CBLN2: variants seen among roughly 807,000 people sequenced by gnomAD.
CBLN2 encodes the protein cerebellin 2 precursor.
Under a neutral mutation model 15.0 loss-of-function variants are expected in CBLN2, and 7 were observed. The ratio of observed to expected loss-of-function variants is 0.47; its 90% CI spans 0.27 to 0.88. CBLN2 has a LOEUF of 0.88. Ranked by LOEUF, CBLN2 falls within the 40% of genes least tolerant of loss-of-function variation. CBLN2 has a pLI of 0.14. For synonymous variants in CBLN2, 149 were observed against 135.2 expected (o/e 1.10, Z -0.71); for missense variants, 242 against 304.5 (o/e 0.79, Z 1.53).
intron 1 of CBLN2, among the ~76,000 whole-genome samples, chr18:72,617,586 T>C (rs1224091028): frequency 6.6e-6 from 1 of 152,180 alleles, no homozygotes; most frequent in Non-Finnish European, 1.5e-5. Context: ...TTTAAGTATG[T>C]AGACATTTTG....
intron 1 of CBLN2, among the ~76,000 whole-genome samples, chr18:72,595,156 TA>T (rs753506542): frequency 6.6e-6 from 1 of 152,044 alleles, no homozygotes; most frequent in Non-Finnish European, 1.5e-5. Context: ...TTTTTTCTCA[TA>T]GGTGCTTATT....
chr18:72,628,731 C>A (rs1044971744), intron 1 of CBLN2, among the ~76,000 whole-genome samples: 1 of 152,202 alleles, frequency 6.6e-6, no homozygotes, highest in Admixed American at 6.5e-5. Context: ...CATTTATGGA[C>A]AAATGTTTGA....
chr18:72,603,953 A>G (rs770426062), intron 1 of CBLN2, among the ~76,000 whole-genome samples: 3 of 152,218 alleles, frequency 2.0e-5, no homozygotes, highest in African/African-American at 4.8e-5. Flanking sequence ...AGCACAGTCT[A>G]CGCTAGGAGC....
chr18:72,632,315 T>G (rs1446543554), intron 1 of CBLN2, among the ~76,000 whole-genome samples: 1 of 152,122 alleles, frequency 6.6e-6, no homozygotes, highest in Non-Finnish European at 1.5e-5. Context: ...CCTTGTTTGT[T>G]TGTTTTCAAT....
At chr18:72,623,857 G>A (rs1280202390) in intron 1 of CBLN2, among the ~76,000 whole-genome samples, 1 of 152,068 alleles carries the variant, frequency 6.6e-6, no homozygotes, top group Non-Finnish European at 1.5e-5. Flanking sequence ...CGGACTGATC[G>A]CTCTCGGAGT....
chr18:72,621,772 A>G (rs2144967447), intron 1 of CBLN2, among the ~76,000 whole-genome samples: 1 of 152,344 alleles, frequency 6.6e-6, no homozygotes, highest in Non-Finnish European at 1.5e-5. Context: ...CCTGCAAAAT[A>G]GGACTATGTC....
At position 72,538,142 on chromosome 18, in the gene CBLN2, T is replaced by C; in HGVS notation, c.*34A>G. ...TAAAGGGCGGAGTCCTGGGTCCAGT[T>C]TGCCATTCCCCCACCATCTAGGGGG... On this transcript the variant is annotated 3_prime_UTR_variant, in exon 5 of 5. Coordinates refer to ENST00000269503, the MANE Select transcript of CBLN2 (RefSeq NM_182511.4). 1 of 1,610,400 alleles carries C rather than the reference T, an allele frequency of 6.2e-7. No individual in the cohort carries two copies. Among genetic ancestry groups the C allele is most frequent in the Non-Finnish European group, 8.5e-7 (1 of 1,176,730 alleles).
intron 1 of CBLN2, among the ~76,000 whole-genome samples, chr18:72,560,668 T>C (rs571817971): frequency 4.6e-5 from 7 of 152,250 alleles, no homozygotes; most frequent in Non-Finnish European, 1.0e-4. Flanking sequence ...ATCTCTATTC[T>C]ATGATACATA....
intron 1 of CBLN2, among the ~76,000 whole-genome samples, chr18:72,607,632 A>G (rs2069591669): frequency 6.6e-6 from 1 of 151,834 alleles, no homozygotes; most frequent in South Asian, 2.1e-4. Flanking sequence ...TGTATCACCA[A>G]ACTGAAGCGC....
In CBLN2 at chr18:72,536,894, A is replaced by G. The variant is rs925931655; in HGVS notation, c.*1282T>C. ...TGTTGTACGAGATGCCAAAACAAGA[A>G]GGATTTGTAACAGTGCTCCTGGGGT... On this transcript the variant is annotated 3_prime_UTR_variant, in exon 5 of 5. Coordinates refer to ENST00000269503, the MANE Select transcript of CBLN2 (RefSeq NM_182511.4). 2.6e-5 allele frequency: 4 copies of G among 152,618 alleles called. No homozygotes were observed. The highest frequency in any genetic ancestry group is 9.7e-5 in the African/African-American group (4 of 41,446). 9.5% of individuals were successfully genotyped at this position (152,618 alleles called of 1,614,324 possible).
chr18:72,583,881 AG>A lies in CBLN2; in HGVS notation c.16-45110del, dbSNP rs1054720473. Among the ~76,000 whole-genome samples the A allele has an allele frequency of 7.2e-5, 11 of 152,360 alleles. No homozygotes were observed. The South Asian group carries it at 1.2e-3, about 17-fold the overall frequency. ...AGTTGCCCTGGCAATGTGATTGCAC[AG>A]TCACACTTGAAAGCCATTGATCTCA... is the stretch of plus-strand genomic sequence containing the variant. On this transcript the variant is annotated intron_variant, in intron 1 of 2. Coordinates refer to the CBLN2 transcript ENST00000581073.
At chr18:72,569,626 A>G (rs1356640976) in intron 1 of CBLN2, among the ~76,000 whole-genome samples, 2 of 152,160 alleles carry the variant, frequency 1.3e-5, no homozygotes, top group African/African-American at 4.8e-5. Flanking sequence ...CAATCATGGC[A>G]GAAGATGAAG....
chr18:72,570,301 T>C (rs866714061), intron 1 of CBLN2, among the ~76,000 whole-genome samples: 35 of 107,828 alleles, frequency 3.2e-4, no homozygotes, highest in East Asian at 8.7e-4. Flanking sequence ...TTTTTTTTTT[T>C]CCCGCGGCTT....
chr18:72,611,099 T>C (rs1255545256), intron 1 of CBLN2, among the ~76,000 whole-genome samples: 1 of 152,162 alleles, frequency 6.6e-6, no homozygotes, highest in Non-Finnish European at 1.5e-5. Flanking sequence ...GCATAGTATT[T>C]CATGGTGTAT....
intron 1 of CBLN2, among the ~76,000 whole-genome samples, chr18:72,619,473 G>T (rs562941568): frequency 6.6e-6 from 1 of 152,234 alleles, no homozygotes; most frequent in African/African-American, 2.4e-5. Flanking sequence ...CCAACAAAGG[G>T]TTTTAATATA....
At chr18:72,633,690 G>C (rs1255113883) in intron 1 of CBLN2, among the ~76,000 whole-genome samples, 2 of 152,138 alleles carry the variant, frequency 1.3e-5, no homozygotes, top group African/African-American at 4.8e-5. Context: ...CTGTTTTGTT[G>C]ATTCAGCTTT....
intron 1 of CBLN2, among the ~76,000 whole-genome samples, chr18:72,580,066 G>C (rs2069393026): frequency 6.6e-6 from 1 of 150,918 alleles, no homozygotes; most frequent in African/African-American, 2.4e-5. Flanking sequence ...GATTATAGCA[G>C]TGCAACTACT....
chr18:72,551,585 G>A (rs752554076), intron 1 of CBLN2, among the ~76,000 whole-genome samples: 2 of 152,148 alleles, frequency 1.3e-5, no homozygotes, highest in Non-Finnish European at 2.9e-5. Flanking sequence ...CATCACTGAA[G>A]TCTATATGTC....
intron 1 of CBLN2, among the ~76,000 whole-genome samples, chr18:72,604,595 T>C (rs755506346): frequency 6.6e-6 from 1 of 152,214 alleles, no homozygotes; most frequent in South Asian, 2.1e-4. Context: ...GGGGGCCTTT[T>C]AGAGATGATT....
Sources: gnomAD v4.1 joint callset for allele counts (sites outside exome capture counted in the v4.1 genomes callset) on GRCh38, gnomAD v4.1.1 for gene constraint, MANE v1.5 for transcripts, NCBI Gene and HGNC (gene_info 2026-07-23, HGNC 2026-07-21) for gene names.